Variants in SGK3 observed in about 807,000 individuals in gnomAD.
SGK3 encodes the protein serum/glucocorticoid regulated kinase family member 3, also known as serine/threonine-protein kinase Sgk3.
A neutral mutation model predicts 68.5 loss-of-function variants in SGK3; 47 were observed. The ratio of observed to expected loss-of-function variants is 0.69; its 90% CI spans 0.54 to 0.87. The LOEUF (loss-of-function observed/expected upper bound fraction) is 0.87, where lower values mean the gene tolerates loss of function less well. SGK3 is among the 40% of genes least tolerant of loss of function. The pLI, the probability that SGK3 is intolerant of heterozygous loss-of-function variation, is 0.00. For missense variants in SGK3, 479 were observed against 575.5 expected (o/e 0.83, Z 1.72); for synonymous variants, 181 against 189.1 (o/e 0.96, Z 0.35).
At chr8:66,719,431 A>G (rs1208870702) in intron 1 of SGK3, among the ~76,000 whole-genome samples, 1 of 152,060 alleles carries the variant, frequency 6.6e-6, no homozygotes, top group Non-Finnish European at 1.5e-5. Context: ...GGTTCAAGCA[A>G]TCCTCCTGCC....
chr8:66,849,196 C>T (rs1810161511), intron 15 of SGK3, among the ~76,000 whole-genome samples: 1 of 152,178 alleles, frequency 6.6e-6, no homozygotes, highest in Non-Finnish European at 1.5e-5. Context: ...ATCTTCTGTA[C>T]TCTTCAGCCC....
At chr8:66,845,808 T>C (rs972090002) in intron 14 of SGK3, among the ~76,000 whole-genome samples, 45 of 152,052 alleles carry the variant, frequency 3.0e-4, no homozygotes, top group African/African-American at 1.1e-3. Flanking sequence ...TCTGCCCACC[T>C]CAGCCTCCCG....
intron 1 of SGK3, among the ~76,000 whole-genome samples, chr8:66,760,074 G>C (rs944590513): frequency 6.6e-6 from 1 of 152,088 alleles, no homozygotes; most frequent in Non-Finnish European, 1.5e-5. Context: ...GAAAATATTG[G>C]TTCACTGATT....
At chr8:66,846,306 T>C (rs994904468) in intron 14 of SGK3, among the ~76,000 whole-genome samples, 2 of 152,152 alleles carry the variant, frequency 1.3e-5, no homozygotes, top group Admixed American at 6.5e-5. Flanking sequence ...TCATTTTTTT[T>C]CTCAAAAGTT....
intron 1 of SGK3, among the ~76,000 whole-genome samples, chr8:66,718,473 G>T (rs964989009): frequency 1.3e-5 from 2 of 151,012 alleles, no homozygotes; most frequent in African/African-American, 2.4e-5. Flanking sequence ...GTGTGTGTGT[G>T]TATGACCAGT....
At chr8:66,806,814 GAAA>G (rs71249409) in intron 4 of SGK3, among the ~76,000 whole-genome samples, 4 of 84,616 alleles carry the variant, frequency 4.7e-5, no homozygotes, top group Middle Eastern at 8.5e-3. Context: ...ACTCTGTCTC[GAAA>G]AAAAAAAAAA....
At chr8:66,784,780 A>G (rs1177176736) in intron 1 of SGK3, among the ~76,000 whole-genome samples, 1 of 152,164 alleles carries the variant, frequency 6.6e-6, no homozygotes, top group Admixed American at 6.5e-5. Context: ...GAATTTGGGC[A>G]ATTTTTTATC....
intron 8 of SGK3, 73 bp from the exon 9 acceptor site, chr8:66,835,690 G>C: frequency 6.8e-7 from 1 of 1,465,126 alleles, no homozygotes. Flanking sequence ...AAGTATTGAT[G>C]TGTTGACAAG....
chr8:66,820,972 T>C (rs1018046242), intron 5 of SGK3, among the ~76,000 whole-genome samples: 5 of 152,124 alleles, frequency 3.3e-5, no homozygotes, highest in Admixed American at 6.6e-5. Context: ...TCACAGAGCA[T>C]TGGGATTACA....
intron 1 of SGK3, among the ~76,000 whole-genome samples, chr8:66,732,729 C>A (rs1805201697): frequency 6.6e-6 from 1 of 152,004 alleles, no homozygotes; most frequent in Admixed American, 6.6e-5. Flanking sequence ...CCTGTAATCC[C>A]AGCTACTCAG....
At chr8:66,800,079 C>T (rs1807866736) in intron 3 of SGK3, among the ~76,000 whole-genome samples, 1 of 152,096 alleles carries the variant, frequency 6.6e-6, no homozygotes, top group Non-Finnish European at 1.5e-5. Context: ...CGGTGGCTCA[C>T]ACCTGTAATC....
intron 1 of SGK3, among the ~76,000 whole-genome samples, chr8:66,782,826 C>G (rs1487972873): frequency 6.6e-6 from 1 of 152,150 alleles, no homozygotes; most frequent in Non-Finnish European, 1.5e-5. Context: ...CTTTTTAGCA[C>G]TGAAAAGTAT....
At chr8:66,735,838 GTTTC>G (rs1805302870) in intron 1 of SGK3, among the ~76,000 whole-genome samples, 1 of 151,988 alleles carries the variant, frequency 6.6e-6, no homozygotes, top group Non-Finnish European at 1.5e-5. Flanking sequence ...CAATTTAGAT[GTTTC>G]TTTCTGTGAT....
chr8:66,794,904 C>T (rs903813964), intron 2 of SGK3, among the ~76,000 whole-genome samples: 3 of 152,182 alleles, frequency 2.0e-5, no homozygotes, highest in African/African-American at 4.8e-5. Flanking sequence ...ATTGCTGACA[C>T]CTGCAGTTGA....
chr8:66,745,710 G>T (rs933995360), intron 1 of SGK3, among the ~76,000 whole-genome samples: 1 of 152,212 alleles, frequency 6.6e-6, no homozygotes, highest in South Asian at 2.1e-4. Flanking sequence ...ATAAGGAACA[G>T]AAATTTATTT....
chr8:66,831,873 C>T (rs985850859), intron 8 of SGK3, among the ~76,000 whole-genome samples: 1 of 151,338 alleles, frequency 6.6e-6, no homozygotes, highest in South Asian at 2.1e-4. Context: ...CTTCTGGGCC[C>T]TGGTTAGAAA....
chr8:66,770,646 C>G (rs1806478688), intron 1 of SGK3, among the ~76,000 whole-genome samples: 1 of 152,166 alleles, frequency 6.6e-6, no homozygotes, highest in South Asian at 2.1e-4. Flanking sequence ...ATTCCTGGCC[C>G]TCTGTGAGTT....
At chr8:66,763,874 T>G (rs1806241810) in intron 1 of SGK3, among the ~76,000 whole-genome samples, 1 of 152,166 alleles carries the variant, frequency 6.6e-6, no homozygotes, top group Admixed American at 6.5e-5. Context: ...TTATTATTAC[T>G]GTTATTATTA....
intron 1 of SGK3, among the ~76,000 whole-genome samples, chr8:66,744,519 ATTTT>A (rs55684607): frequency 1.9e-4 from 4 of 21,272 alleles, no homozygotes; most frequent in South Asian, 4.3e-3. Flanking sequence ...ATATATATAT[ATTTT>A]TTTTTTTTTT....
Sources: allele counts gnomAD v4.1 joint callset (sites outside exome capture counted in the v4.1 genomes callset), GRCh38; gene constraint gnomAD v4.1.1; transcripts MANE v1.5; gene names NCBI Gene and HGNC (gene_info 2026-07-23, HGNC 2026-07-21).